Variants in KRTAP10-7 observed in about 807,000 individuals in gnomAD.
KRTAP10-7 encodes the protein keratin associated protein 10-7.
For synonymous variants in KRTAP10-7, 162 were observed against 199.6 expected (o/e 0.81, Z 1.59); for missense variants, 394 against 474.3 (o/e 0.83, Z 1.57).
rs781910869 is a variant in KRTAP10-7 at position 44,600,616 on chromosome 21, C to T, written c.-6C>T. ...CACTCCCATCTCCTCCAGTTCAATC[C>T]CCAGCATGGCTGCGTCCACTATGTC... is the stretch of plus-strand genomic sequence containing the variant. On this transcript the variant is annotated 5_prime_UTR_variant, in exon 1 of 1. Coordinates refer to ENST00000609664, the MANE Select transcript of KRTAP10-7 (RefSeq NM_198689.3). 7 of 1,610,286 alleles carry T rather than the reference C, an allele frequency of 4.3e-6. No homozygotes were observed. In the African/African-American group the frequency reaches 5.3e-5, roughly 12 times the overall value.
rs781789426 is a variant in KRTAP10-7 at position 44,601,476 on chromosome 21, T to A, written c.855T>A (p.Thr285=). The change falls in exon 1 of 1, where the codon ACT becomes ACA. Residue 285 remains threonine, a synonymous_variant. Transcript: ENST00000609664. ...TGCCCGTCTGCTCTGGGGCTTCCAC[T>A]TCATGCTGCCAGCAGTCTAGCTGCC... is the stretch of plus-strand genomic sequence containing the variant. ...CCVPVCSGAS[T]SCCQQSSCQP... 3.1e-6 allele frequency: 5 copies of A among 1,608,054 alleles called. No individual in the cohort carries two copies. The highest frequency in any genetic ancestry group is 2.2e-5 in the South Asian group (2 of 90,680).
rs1980825402 is a variant in KRTAP10-7 at position 44,601,072 on chromosome 21, T to A, written c.451T>A (p.Cys151Ser). 1 of 1,609,274 alleles carries A rather than the reference T, an allele frequency of 6.2e-7. No homozygotes were observed. The highest frequency in any genetic ancestry group is 8.5e-7 in the Non-Finnish European group (1 of 1,179,328). Residue 151 changes from cysteine to serine, a missense_variant, in exon 1 of 1, where the codon TGC (cysteine) becomes AGC (serine). Transcript: ENST00000609664. ...CQSACCTSSP[C>S]QQACCVPICC... ...GTCAGCTTGCTGCACCTCCTCCCCC[T>A]GCCAGCAGGCCTGCTGTGTGCCCAT...
Position 44,601,058 on chromosome 21 carries a change from G to A in KRTAP10-7, c.437G>A (p.Cys146Tyr), listed in dbSNP as rs781968677. The A allele has an allele frequency of 6.2e-7, 1 of 1,612,468 alleles. No individual in the cohort carries two copies. The highest frequency in any genetic ancestry group is 1.1e-5 in the South Asian group (1 of 91,038). ...CAGTCTAGCTGCCAGTCAGCTTGCTGCACCTCCTCCCCCTGCCAGCAGGCC... is the reference window on the plus strand; with the variant it reads ...CAGTCTAGCTGCCAGTCAGCTTGCTACACCTCCTCCCCCTGCCAGCAGGCC... ...CQQSSCQSAC[C>Y]TSSPCQQACC... The change falls in exon 1 of 1, where the codon TGC becomes TAC. Residue 146 changes from cysteine (C) to tyrosine (Y), a missense_variant. Cys to Tyr is a radical substitution (Grantham distance 194, BLOSUM62 -2). Coordinates refer to ENST00000609664, the MANE Select transcript of KRTAP10-7 (RefSeq NM_198689.3).
In KRTAP10-7 at chr21:44,601,588, G is replaced by T; in HGVS notation, c.967G>T (p.Val323Leu). The change falls in exon 1 of 1, where the codon GTG (valine) becomes TTG (leucine). Residue 323 changes from valine to leucine, a missense_variant. By Grantham distance (32) the Val-to-Leu change is conservative (BLOSUM62 1). Coordinates refer to ENST00000609664, the MANE Select transcript of KRTAP10-7 (RefSeq NM_198689.3). ...CCCCGTGTGCAGGCCCGCCTGCTGC[G>T]TGCCCGTCCCCTCCTGCTGCGCCCC... ...CRPVCRPACC[V>L]PVPSCCAPTS... The T allele has an allele frequency of 6.2e-7, 1 of 1,613,448 alleles. No homozygotes were observed. Among genetic ancestry groups the T allele is most frequent in the Non-Finnish European group, 8.5e-7 (1 of 1,179,766 alleles).
rs371746447 is a variant in KRTAP10-7 at position 44,601,594 on chromosome 21, G to A, written c.973G>A (p.Val325Ile). 176 of 1,612,372 alleles carry A rather than the reference G, an allele frequency of 1.1e-4. No individual in the cohort carries two copies. Among genetic ancestry groups the A allele is most frequent in the Non-Finnish European group, 1.4e-4 (161 of 1,178,912 alleles). ...PVCRPACCVPVPSCCAPTSSC... is the reference protein window; with the variant it reads ...PVCRPACCVPIPSCCAPTSSC... ...GTGCAGGCCCGCCTGCTGCGTGCCC[G>A]TCCCCTCCTGCTGCGCCCCCACCTC... The change falls in exon 1 of 1, where the codon GTC becomes ATC. Residue 325 changes from valine to isoleucine, a missense_variant. Physicochemically the swap from Val to Ile is conservative, Grantham distance 29 (BLOSUM62 3). Transcript: ENST00000609664.
In KRTAP10-7 at chr21:44,602,035, CCAACTGGGTTTCTCGT is replaced by C; in HGVS notation, c.*304_*319del. 1 of 510,320 alleles carries C rather than the reference CCAACTGGGTTTCTCGT, an allele frequency of 2.0e-6. No homozygotes were observed. The highest frequency in any genetic ancestry group is 3.6e-6 in the Non-Finnish European group (1 of 281,286). The allele number at this position is 510,320 out of a possible 1,614,324, so 31.6% of individuals were successfully genotyped here. On this transcript the variant is annotated 3_prime_UTR_variant, in exon 1 of 1. Coordinates refer to ENST00000609664, the MANE Select transcript of KRTAP10-7 (RefSeq NM_198689.3). ...GGGGAGAAATGAGGGTAGACAGGTA[CCAACTGGGTTTCTCGT>C]CACTGTCCCAGCTCAGTGGCGAGCC...
At position 44,602,144 on chromosome 21, in the gene KRTAP10-7, CCCTTCTAATAAACT is replaced by C. The variant is rs1258732142; in HGVS notation, c.*415_*428del. 3.6e-6 allele frequency: 1 copy of C among 280,832 alleles called. No homozygotes were observed. The highest frequency in any genetic ancestry group is 7.1e-6 in the Non-Finnish European group (1 of 140,600). The allele number at this position is 280,832 out of a possible 1,614,324, so 17.4% of individuals were successfully genotyped here. On this transcript the variant is annotated 3_prime_UTR_variant, in exon 1 of 1. Coordinates refer to ENST00000609664, the MANE Select transcript of KRTAP10-7 (RefSeq NM_198689.3). ...TCCCTGACCACGGGAGCAGGTCAGA[CCCTTCTAATAAACT>C]CCTTTCCTAAAAAGTACAACTGGAA...
At position 44,601,319 on chromosome 21, in the gene KRTAP10-7, G is replaced by A. The variant is rs200217793; in HGVS notation, c.698G>A (p.Cys233Tyr). 1.2e-3 allele frequency: 1,970 copies of A among 1,611,198 alleles called. 3 individuals carry two copies. Among genetic ancestry groups the A allele is most frequent in the Non-Finnish European group, 1.4e-3 (1,618 of 1,178,806 alleles). Residue 233 changes from cysteine (C) to tyrosine (Y), a missense_variant, in exon 1 of 1, where the codon TGC (cysteine) becomes TAC (tyrosine). Physicochemically the swap from Cys to Tyr is radical, Grantham distance 194. Coordinates refer to ENST00000609664, the MANE Select transcript of KRTAP10-7 (RefSeq NM_198689.3). Reference sequence around the variant, plus strand: ...CAGCAGGCCTGCTGTGTGCCTGTCTGCTGCAAGCCCGTCTGCTGTGTGCCC... The same window carrying A: ...CAGCAGGCCTGCTGTGTGCCTGTCTACTGCAAGCCCGTCTGCTGTGTGCCC... ...PCQQACCVPV[C>Y]CKPVCCVPTC... is the part of the protein sequence containing the mutation.
Position 44,600,618 on chromosome 21 carries a change from C to G in KRTAP10-7, c.-4C>G, listed in dbSNP as rs781859092. Reference sequence around the variant, plus strand: ...CTCCCATCTCCTCCAGTTCAATCCCCAGCATGGCTGCGTCCACTATGTCTG... The same window carrying G: ...CTCCCATCTCCTCCAGTTCAATCCCGAGCATGGCTGCGTCCACTATGTCTG... On this transcript the variant is annotated 5_prime_UTR_variant, in exon 1 of 1. Transcript: ENST00000609664. The G allele has an allele frequency of 6.2e-7, 1 of 1,611,144 alleles. No individual in the cohort carries two copies. The highest frequency in any genetic ancestry group is 8.5e-7 in the Non-Finnish European group (1 of 1,178,358).
Position 44,601,588 on chromosome 21 carries a change from G to A in KRTAP10-7, c.967G>A (p.Val323Met), listed in dbSNP as rs201340605. 1.9e-4 allele frequency: 307 copies of A among 1,613,446 alleles called. 1 individual carries two copies. Among genetic ancestry groups the A allele is most frequent in the East Asian group, 3.3e-4 (15 of 44,840 alleles). ...CCCCGTGTGCAGGCCCGCCTGCTGC[G>A]TGCCCGTCCCCTCCTGCTGCGCCCC... ...CRPVCRPACC[V>M]PVPSCCAPTS... The change falls in exon 1 of 1, where the codon GTG (valine) becomes ATG (methionine). Residue 323 changes from valine (V) to methionine (M), a missense_variant. Physicochemically the swap from Val to Met is conservative, Grantham distance 21. Transcript: ENST00000609664.
rs781839634 is a variant in KRTAP10-7, at chr21:44,601,668, T to G, written c.1047T>G (p.Leu349=). The change falls in exon 1 of 1, where the codon CTT becomes CTG. Residue 349 remains leucine, a synonymous_variant. Transcript: ENST00000609664. ...CCRPASCVSL[L]CRPACSRPAC... is the part of the protein sequence containing the mutation. ...GCCCAGCCTCCTGTGTGTCTCTCCT[T>G]TGCCGCCCCGCATGCTCCCGCCCGG... 1 of 1,612,622 alleles carries G rather than the reference T, an allele frequency of 6.2e-7. No individual in the cohort carries two copies. Among genetic ancestry groups the G allele is most frequent in the Non-Finnish European group, 8.5e-7 (1 of 1,179,214 alleles).
In KRTAP10-7 at chr21:44,600,857, C is replaced by T; in HGVS notation, c.236C>T (p.Ser79Leu). ...RVTCEPSPCQ[S>L]GCTSSCTPSC... ...ACCTGTGAGCCCAGCCCCTGCCAAT[C>T]AGGCTGCACCAGCTCCTGCACGCCC... The change falls in exon 1 of 1, where the codon TCA becomes TTA. Residue 79 changes from serine to leucine, a missense_variant. Ser to Leu is a moderately radical substitution (Grantham distance 145). Transcript: ENST00000609664. 2 of 1,610,010 alleles carry T rather than the reference C, an allele frequency of 1.2e-6. No homozygotes were observed. Among genetic ancestry groups the T allele is most frequent in the Non-Finnish European group, 1.7e-6 (2 of 1,179,780 alleles).
At position 44,601,673 on chromosome 21, in the gene KRTAP10-7, G is replaced by A. The variant is rs782657545; in HGVS notation, c.1052G>A (p.Arg351His). The change falls in exon 1 of 1, where the codon CGC becomes CAC. Residue 351 changes from arginine (R) to histidine (H), a missense_variant. Arg to His is a conservative substitution (Grantham distance 29). Coordinates refer to ENST00000609664, the MANE Select transcript of KRTAP10-7 (RefSeq NM_198689.3). Reference sequence around the variant, plus strand: ...GCCTCCTGTGTGTCTCTCCTTTGCCGCCCCGCATGCTCCCGCCCGGCCTGC... The same window carrying A: ...GCCTCCTGTGTGTCTCTCCTTTGCCACCCCGCATGCTCCCGCCCGGCCTGC... ...RPASCVSLLC[R>H]PACSRPACCG... is the part of the protein sequence containing the mutation. 6 of 1,612,642 alleles carry A rather than the reference G, an allele frequency of 3.7e-6. No individual in the cohort carries two copies. Among genetic ancestry groups the A allele is most frequent in the Admixed American group, 1.7e-5 (1 of 59,958 alleles).
chr21:44,601,917 C>CT lies in KRTAP10-7; in HGVS notation c.*186dup. Reference sequence around the variant, plus strand: ...GCTCAGCTGTTTCTCCAAGTCTTGACTTTCCCCCAATTACCCAGCCCTGCT... The same window carrying CT: ...GCTCAGCTGTTTCTCCAAGTCTTGACTTTTCCCCCAATTACCCAGCCCTGCT... On this transcript the variant is annotated 3_prime_UTR_variant, in exon 1 of 1. Coordinates refer to ENST00000609664, the MANE Select transcript of KRTAP10-7 (RefSeq NM_198689.3). The CT allele has an allele frequency of 1.1e-6, 1 of 912,344 alleles. No individual in the cohort carries two copies. Among genetic ancestry groups the CT allele is most frequent in the Non-Finnish European group, 1.6e-6 (1 of 610,518 alleles). 56.5% of individuals were successfully genotyped at this position (912,344 alleles called of 1,614,324 possible).
chr21:44,601,896 A>T lies in KRTAP10-7; in HGVS notation c.*162A>T. On this transcript the variant is annotated 3_prime_UTR_variant, in exon 1 of 1. Transcript: ENST00000609664. ...GCGCTTCTCCTCCTAGAAGCAGCTC[A>T]GCTGTTTCTCCAAGTCTTGACTTTC... 9.7e-7 allele frequency: 1 copy of T among 1,028,302 alleles called. No individual in the cohort carries two copies. 63.7% of individuals were successfully genotyped at this position (1,028,302 alleles called of 1,614,324 possible). A position where few individuals can be genotyped will look rare whatever the true frequency, so the allele number is the denominator to read the frequency against.
chr21:44,601,231 T>C lies in KRTAP10-7; in HGVS notation c.610T>C (p.Cys204Arg), dbSNP rs1555928662. 5.0e-6 allele frequency: 8 copies of C among 1,601,296 alleles called. No individual in the cohort carries two copies. Among genetic ancestry groups the C allele is most frequent in the Non-Finnish European group, 6.8e-6 (8 of 1,177,066 alleles). ...CTGCCAATCAGGCTGCATCAGCTCC[T>C]GCACGCCCTCGTGCTGCCAGCAGTC... ...SPCQSGCISS[C>R]TPSCCQQSSC... Residue 204 changes from cysteine to arginine, a missense_variant, in exon 1 of 1, where the codon TGC becomes CGC. Coordinates refer to ENST00000609664, the MANE Select transcript of KRTAP10-7 (RefSeq NM_198689.3).
chr21:44,601,596 C>T lies in KRTAP10-7; in HGVS notation c.975C>T (p.Val325=). The T allele has an allele frequency of 6.2e-7, 1 of 1,613,596 alleles. No individual in the cohort carries two copies. Among genetic ancestry groups the T allele is most frequent in the Non-Finnish European group, 8.5e-7 (1 of 1,179,778 alleles). The change falls in exon 1 of 1, where the codon GTC becomes GTT. Residue 325 remains valine, a synonymous_variant. Coordinates refer to ENST00000609664, the MANE Select transcript of KRTAP10-7 (RefSeq NM_198689.3). ...PVCRPACCVP[V]PSCCAPTSSC... ...GCAGGCCCGCCTGCTGCGTGCCCGT[C>T]CCCTCCTGCTGCGCCCCCACCTCCT... is the stretch of plus-strand genomic sequence containing the variant.
chr21:44,601,972 G>C lies in KRTAP10-7; in HGVS notation c.*238G>C. 3.1e-6 allele frequency: 2 copies of C among 638,066 alleles called. No individual in the cohort carries two copies. The highest frequency in any genetic ancestry group is 4.2e-5 in the South Asian group (2 of 48,108). 39.5% of individuals were successfully genotyped at this position (638,066 alleles called of 1,614,324 possible). ...CAGCAACAGGTGGGCAGTGACCCCA[G>C]CAAGGCCAGCGGGTGCTCCCAGGCC... On this transcript the variant is annotated 3_prime_UTR_variant, in exon 1 of 1. Coordinates refer to ENST00000609664, the MANE Select transcript of KRTAP10-7 (RefSeq NM_198689.3).
rs1555928905 is a variant in KRTAP10-7, at chr21:44,601,716, C to T, written c.1095C>T (p.Thr365=). The change falls in exon 1 of 1, where the codon ACC becomes ACT. Residue 365 remains threonine (T), a synonymous_variant. Transcript: ENST00000609664. The part of the protein sequence containing the change: ...SRPACCGPTS[T]QKSSC ...CGGCCTGCTGTGGCCCCACCTCAAC[C>T]CAGAAGTCCAGCTGCTGAGTGATCT... 3.1e-6 allele frequency: 5 copies of T among 1,611,234 alleles called. No homozygotes were observed. In the South Asian group the frequency reaches 5.5e-5, roughly 18 times the overall value.
Sources: gnomAD v4.1 joint callset for allele counts on GRCh38, gnomAD v4.1.1 for gene constraint, MANE v1.5 for transcripts, NCBI Gene and HGNC (gene_info 2026-07-23, HGNC 2026-07-21) for gene names.